ATF7IP2: variants seen among roughly 807,000 people sequenced by gnomAD.
ATF7IP2 encodes activating transcription factor 7 interacting protein 2.
ATF7IP2 carries 42 observed loss-of-function variants against 64.2 expected under a neutral mutation model. The ratio of observed to expected loss-of-function variants is 0.65; its 90% CI spans 0.51 to 0.85. The LOEUF (loss-of-function observed/expected upper bound fraction) is 0.85, where lower values mean the gene tolerates loss of function less well. Ranked by LOEUF, ATF7IP2 falls within the 40% of genes least tolerant of loss-of-function variation. ATF7IP2 has a pLI of 0.00. For synonymous variants in ATF7IP2, 308 were observed against 272.8 expected (o/e 1.13, Z -1.27); for missense variants, 933 against 784.2 (o/e 1.19, Z -2.27).
At chr16:10,393,713 G>GATGT (rs1475635133) in intron 1 of ATF7IP2, among the ~76,000 whole-genome samples, 3 of 152,028 alleles carry the variant, frequency 2.0e-5, no homozygotes, top group Non-Finnish European at 4.4e-5. Flanking sequence ...GGTTTTTTGG[G>GATGT]ATGTAATACT....
At chr16:10,449,691 T>A (rs2048922478) in intron 8 of ATF7IP2, 1 of 152,222 alleles carries the variant, frequency 6.6e-6, no homozygotes, top group South Asian at 2.1e-4. Context: ...TTGATTCTTC[T>A]GTCTTTTCTT....
chr16:10,403,630 G>A (rs2047577731), intron 1 of ATF7IP2, among the ~76,000 whole-genome samples: 1 of 152,126 alleles, frequency 6.6e-6, no homozygotes, highest in African/African-American at 2.4e-5. Flanking sequence ...AATGATAATT[G>A]AAATGCTGAA....
intron 9 of ATF7IP2, among the ~76,000 whole-genome samples, chr16:10,469,940 G>C (rs2049728461): frequency 6.6e-6 from 1 of 150,690 alleles, no homozygotes; most frequent in African/African-American, 2.4e-5. Flanking sequence ...GTGAAAATAT[G>C]TTTCCAAAGT....
intron 2 of ATF7IP2, among the ~76,000 whole-genome samples, chr16:10,417,594 T>A (rs1270189906): frequency 2.0e-5 from 3 of 151,926 alleles, no homozygotes; most frequent in African/African-American, 7.3e-5. Context: ...ATTACTATAG[T>A]TAAAGAAAGA....
chr16:10,404,060 G>C (rs1345887928), intron 1 of ATF7IP2, among the ~76,000 whole-genome samples: 1 of 152,132 alleles, frequency 6.6e-6, no homozygotes, highest in Non-Finnish European at 1.5e-5. Flanking sequence ...AAAAGATTCA[G>C]ACATCTTAGA....
intron 6 of ATF7IP2, among the ~76,000 whole-genome samples, chr16:10,435,155 AACC>A (rs1358493984): frequency 1.3e-5 from 2 of 152,206 alleles, no homozygotes; most frequent in African/African-American, 2.4e-5. Context: ...TGTCTCTCTC[AACC>A]ATATCTAGAT....
At chr16:10,438,626 A>G (rs986941266) in intron 7 of ATF7IP2, among the ~76,000 whole-genome samples, 3 of 152,184 alleles carry the variant, frequency 2.0e-5, no homozygotes, top group Non-Finnish European at 4.4e-5. Context: ...AAGGGAAGAC[A>G]TACCTGATTC....
chr16:10,392,777 C>A (rs1332395292), intron 1 of ATF7IP2, among the ~76,000 whole-genome samples: 4 of 150,802 alleles, frequency 2.7e-5, no homozygotes, highest in African/African-American at 4.9e-5. Flanking sequence ...TTTCTTGAGC[C>A]CAAGAGTTGA....
At chr16:10,463,932 T>A (rs1021320154) in intron 9 of ATF7IP2, among the ~76,000 whole-genome samples, 3 of 152,174 alleles carry the variant, frequency 2.0e-5, no homozygotes, top group Non-Finnish European at 4.4e-5. Flanking sequence ...TTGCTGGTCT[T>A]ATATTCCAGT....
rs1234775049 is a variant in ATF7IP2 at position 10,482,132 on chromosome 16, T to G, written c.1932T>G (p.Ser644=). The change falls in exon 14 of 14, where the codon TCT becomes TCG. Residue 644 remains serine (S), a synonymous_variant. Coordinates refer to ENST00000562102, the MANE Select transcript of ATF7IP2 (RefSeq NM_001393719.1). The stretch of plus-strand genomic sequence containing the variant: ...CACTCCCCATGGCCTGTACTTTATC[T>G]CAGTTTTTAGCTTCCAACAGATACT... ...ALPLPMACTL[S]QFLASNRYYF... 1.2e-6 allele frequency: 2 copies of G among 1,614,102 alleles called. No homozygotes were observed. Among genetic ancestry groups the G allele is most frequent in the East Asian group, 4.5e-5 (2 of 44,886 alleles).
At chr16:10,438,850 C>T (rs550974550) in intron 7 of ATF7IP2, among the ~76,000 whole-genome samples, 9 of 151,992 alleles carry the variant, frequency 5.9e-5, no homozygotes, top group Admixed American at 3.3e-4. Flanking sequence ...GTCAAGAGAT[C>T]GAGACCGTCC....
At chr16:10,475,722 G>GGAAA (rs2049979660) in intron 12 of ATF7IP2, among the ~76,000 whole-genome samples, 1 of 41,644 alleles carries the variant, frequency 2.4e-5, no homozygotes, top group Non-Finnish European at 4.0e-5. Context: ...TAAGAAGCCA[G>GGAAA]AAAAAAAAAA....
intron 2 of ATF7IP2, among the ~76,000 whole-genome samples, chr16:10,416,652 G>A (rs1386662633): frequency 6.6e-6 from 1 of 152,072 alleles, no homozygotes; most frequent in Admixed American, 6.6e-5. Context: ...AAGTTAGCCT[G>A]GTGTGGTAGT....
At chr16:10,423,453 G>A (rs969789989) in intron 3 of ATF7IP2, among the ~76,000 whole-genome samples, 3 of 152,174 alleles carry the variant, frequency 2.0e-5, no homozygotes, top group Non-Finnish European at 4.4e-5. Context: ...TGATATGGGT[G>A]GTGTATTCTG....
chr16:10,426,642 G>T (rs998067629), intron 3 of ATF7IP2, among the ~76,000 whole-genome samples: 4 of 152,096 alleles, frequency 2.6e-5, no homozygotes, highest in Non-Finnish European at 5.9e-5. Flanking sequence ...TTACATCAGT[G>T]AAAGGCTTCT....
chr16:10,464,410 C>A (rs1265325985), intron 9 of ATF7IP2, among the ~76,000 whole-genome samples: 1 of 152,100 alleles, frequency 6.6e-6, no homozygotes, highest in Admixed American at 6.5e-5. Flanking sequence ...CCACTGTTGT[C>A]CGTGTCTATA....
chr16:10,400,271 C>T (rs1373215618), intron 1 of ATF7IP2, among the ~76,000 whole-genome samples: 2 of 152,168 alleles, frequency 1.3e-5, no homozygotes, highest in Admixed American at 6.5e-5. Context: ...GAACTCCTGA[C>T]CTCAGGTAAT....
At chr16:10,389,497 G>A (rs1405801454) in intron 1 of ATF7IP2, among the ~76,000 whole-genome samples, 4 of 152,000 alleles carry the variant, frequency 2.6e-5, no homozygotes, top group East Asian at 1.9e-4. Context: ...AGTGCTCCCC[G>A]TCCAGTGTTA....
chr16:10,399,393 T>C (rs1237213661), intron 1 of ATF7IP2, among the ~76,000 whole-genome samples: 2 of 152,208 alleles, frequency 1.3e-5, no homozygotes, highest in Non-Finnish European at 2.9e-5. Flanking sequence ...TCAGTTTCAT[T>C]CTTATACATA....
Sources: allele counts gnomAD v4.1 joint callset (sites outside exome capture counted in the v4.1 genomes callset), GRCh38; gene constraint gnomAD v4.1.1; transcripts MANE v1.5; gene names NCBI Gene and HGNC (gene_info 2026-07-23, HGNC 2026-07-21).